PSTPIP1: variants seen among roughly 807,000 people sequenced by gnomAD.
The protein encoded by PSTPIP1 is proline-serine-threonine phosphatase interacting protein 1, also known as proline-serine-threonine phosphatase-interacting protein 1.
Under a neutral mutation model 69.6 loss-of-function variants are expected in PSTPIP1, and 66 were observed. That is an observed-to-expected ratio of 0.95 (90% CI 0.78 to 1.16). PSTPIP1 has a LOEUF of 1.16. PSTPIP1 is among the 50% of genes most tolerant of loss of function. The pLI, the probability that PSTPIP1 is intolerant of heterozygous loss-of-function variation, is 0.00. For synonymous variants in PSTPIP1, 266 were observed against 222.7 expected (o/e 1.19, Z -1.73); for missense variants, 603 against 557.4 (o/e 1.08, Z -0.82).
rs139180217 is a variant in PSTPIP1 at position 77,003,651 on chromosome 15, G to A, written c.36+8042G>A. Among the ~76,000 whole-genome samples, 23 of 148,316 alleles carry A rather than the reference G, an allele frequency of 1.6e-4. No individual in the cohort carries two copies. In the East Asian group the frequency reaches 2.4e-3, roughly 15 times the overall value. On this transcript the variant is annotated intron_variant, in intron 1 of 14. Coordinates refer to ENST00000558012, the MANE Select transcript of PSTPIP1 (RefSeq NM_003978.5). ...AGCCTGGGCAAAAGAACGAAACTCC[G>A]TCTCAAAAAAAAAAAAAGAAGAAGA...
chr15:76,997,200 C>G (rs923919125), intron 1 of PSTPIP1, among the ~76,000 whole-genome samples: 2 of 152,236 alleles, frequency 1.3e-5, no homozygotes, highest in African/African-American at 4.8e-5. Flanking sequence ...CTGTGCTCGT[C>G]GCACCTCTGG....
chr15:77,030,522 A>T lies in PSTPIP1; in HGVS notation c.583A>T (p.Ile195Phe), dbSNP rs1038499600. The T allele has an allele frequency of 1.4e-5, 23 of 1,612,472 alleles. No homozygotes were observed. The African/African-American group carries it at 2.9e-4, about 21-fold the overall frequency. ...TTCAGAGCGGGTATACAGGCAGAGC[A>T]TTGCGCAGCTGGAGAAGGTCCGGGC... is the stretch of plus-strand genomic sequence containing the variant. ...TEAERVYRQS[I>F]AQLEKVRAEW... is the part of the protein sequence containing the mutation. The change falls in exon 9 of 15, where the codon ATT becomes TTT. Residue 195 changes from isoleucine (I) to phenylalanine (F), a missense_variant. Ile to Phe is a conservative substitution (Grantham distance 21, BLOSUM62 0). Transcript: ENST00000558012.
At chr15:77,019,102 C>T (rs1429179957) in intron 3 of PSTPIP1, among the ~76,000 whole-genome samples, 4 of 152,218 alleles carry the variant, frequency 2.6e-5, no homozygotes, top group African/African-American at 7.2e-5. Context: ...GGTTAGAGGG[C>T]AGGCCGTCAG....
At chr15:76,995,101 G>A (rs925190652), upstream of PSTPIP1, 3 of 1,177,462 alleles carry the variant, frequency 2.5e-6, no homozygotes, top group Admixed American at 1.2e-4. Context: ...CGAGGGCCCT[G>A]TGCCTGCCCC....
At position 77,021,716 on chromosome 15, in the gene PSTPIP1, C is replaced by G. The variant is rs76510434; in HGVS notation, c.212+3185C>G. On this transcript the variant is annotated intron_variant, in intron 3 of 14. Coordinates refer to ENST00000558012, the MANE Select transcript of PSTPIP1 (RefSeq NM_003978.5). Reference sequence around the variant, plus strand: ...AGTGTTAGTATTTGCAGGGGGCTTACCAACATTGCTGACATCACATGTCCA... The same window carrying G: ...AGTGTTAGTATTTGCAGGGGGCTTAGCAACATTGCTGACATCACATGTCCA... 8.4e-3 allele frequency among the ~76,000 whole-genome samples: 1,281 copies of G among 152,292 alleles called. 58 individuals carry two copies. The East Asian group carries it at 0.15, about 18-fold the overall frequency.
intron 1 of PSTPIP1, among the ~76,000 whole-genome samples, chr15:77,006,762 G>C (rs1262769869): frequency 1.3e-5 from 2 of 152,148 alleles, no homozygotes; most frequent in African/African-American, 4.8e-5. Context: ...ATATATGTTA[G>C]GGCTTATTTC....
In PSTPIP1 at chr15:77,032,256, G is replaced by C; in HGVS notation, c.742-42G>C. ...CAGAGTTCAGGCCCACAGAGGGGCA[G>C]AGTGGGCATCGGGCTGCGGCCTCTG... On this transcript the variant is annotated intron_variant, in intron 10 of 14. Coordinates refer to ENST00000558012, the MANE Select transcript of PSTPIP1 (RefSeq NM_003978.5). The C allele has an allele frequency of 1.9e-6, 3 of 1,587,988 alleles. No homozygotes were observed. The African/African-American group carries it at 4.0e-5, about 21-fold the overall frequency.
At chr15:77,017,526 C>T (rs746771536) in intron 1 of PSTPIP1, among the ~76,000 whole-genome samples, 3 of 152,270 alleles carry the variant, frequency 2.0e-5, no homozygotes, top group East Asian at 1.9e-4. Context: ...CCTGGATCTC[C>T]GTGAGGGGGG....
rs921517253 is a variant in PSTPIP1, at chr15:77,001,706, TA to T, written c.36+6102del. On this transcript the variant is annotated intron_variant, in intron 1 of 14. Coordinates refer to ENST00000558012, the MANE Select transcript of PSTPIP1 (RefSeq NM_003978.5). ...GCTCTTTAAGACCTGGTGTTCCCTG[TA>T]AAAAGCAGAGAGCCTGGCAGTGCAC... 3.0e-4 allele frequency among the ~76,000 whole-genome samples: 45 copies of T among 152,324 alleles called. 1 individual carries two copies. Among genetic ancestry groups the T allele is most frequent in the African/African-American group, 1.0e-3 (42 of 41,570 alleles).
chr15:77,028,850 A>T (rs2076349292), intron 7 of PSTPIP1, among the ~76,000 whole-genome samples, 198 bp downstream of exon 7: 1 of 152,198 alleles, frequency 6.6e-6, no homozygotes, highest in Non-Finnish European at 1.5e-5. Flanking sequence ...GGTCAGCTGG[A>T]TCCCCTTTGC....
intron 1 of PSTPIP1, among the ~76,000 whole-genome samples, chr15:77,016,825 G>A (rs2076060991): frequency 6.6e-6 from 1 of 152,168 alleles, no homozygotes; most frequent in Non-Finnish European, 1.5e-5. Context: ...GAGCTCTCCT[G>A]GATTTCGACT....
chr15:77,006,351 T>C (rs1198642177), intron 1 of PSTPIP1, among the ~76,000 whole-genome samples: 1 of 152,196 alleles, frequency 6.6e-6, no homozygotes, highest in African/African-American at 2.4e-5. Flanking sequence ...TCTTTATATT[T>C]TCTAGATACT....
chr15:77,004,875 C>CA lies in PSTPIP1; in HGVS notation c.36+9269dup, dbSNP rs1381463359. ...GACTGTCTCAAAACAAACAAACAAACAAACAAAAAAAACAAAGAAAGAAAA... is the reference window on the plus strand; with the variant it reads ...GACTGTCTCAAAACAAACAAACAAACAAAACAAAAAAAACAAAGAAAGAAAA... On this transcript the variant is annotated intron_variant, in intron 1 of 14. Coordinates refer to ENST00000558012, the MANE Select transcript of PSTPIP1 (RefSeq NM_003978.5). Among the ~76,000 whole-genome samples the CA allele has an allele frequency of 9.7e-4, 144 of 149,152 alleles. 1 individual carries two copies. The highest frequency in any genetic ancestry group is 3.4e-3 in the African/African-American group (138 of 40,230).
At chr15:77,007,866 T>C (rs1363565382) in intron 1 of PSTPIP1, 1 of 455,646 alleles carries the variant, frequency 2.2e-6, no homozygotes, top group Admixed American at 2.4e-5. Context: ...AGTGCTGGGA[T>C]TACAAGTGTG....
intron 6 of PSTPIP1, among the ~76,000 whole-genome samples, 167 bp downstream of exon 6, chr15:77,028,081 G>A (rs896967989): frequency 1.3e-5 from 2 of 152,174 alleles, no homozygotes; most frequent in Non-Finnish European, 2.9e-5. Context: ...GCTTGGGCCC[G>A]TGCTGGGCGC....
chr15:76,997,912 C>T (rs186945348), intron 1 of PSTPIP1, among the ~76,000 whole-genome samples: 10 of 150,534 alleles, frequency 6.6e-5, no homozygotes, highest in Non-Finnish European at 1.5e-4. Flanking sequence ...TGTCATTAAA[C>T]CCTTCAGCCT....
chr15:77,008,788 C>T (rs1442761197), intron 1 of PSTPIP1, among the ~76,000 whole-genome samples: 2 of 152,192 alleles, frequency 1.3e-5, no homozygotes, highest in African/African-American at 4.8e-5. Context: ...GCACTAGGCT[C>T]CTCACACAGC....
intron 3 of PSTPIP1, among the ~76,000 whole-genome samples, chr15:77,021,758 G>T (rs886741965): frequency 2.0e-5 from 3 of 152,190 alleles, no homozygotes; most frequent in Non-Finnish European, 4.4e-5. Context: ...CAGAGACTTT[G>T]CCTGACTCTC....
intron 12 of PSTPIP1, among the ~76,000 whole-genome samples, chr15:77,033,156 T>G (rs1479800099): frequency 1.3e-5 from 2 of 152,166 alleles, no homozygotes; most frequent in African/African-American, 4.8e-5. Flanking sequence ...ACCCAGACAC[T>G]AGAATAATCA....
Sources: allele counts gnomAD v4.1 joint callset (sites outside exome capture counted in the v4.1 genomes callset), GRCh38; gene constraint gnomAD v4.1.1; transcripts MANE v1.5; gene names NCBI Gene and HGNC (gene_info 2026-07-23, HGNC 2026-07-21).